DLGAP1: variants seen among roughly 807,000 people sequenced by gnomAD.
DLGAP1 encodes disks large-associated protein 1.
Under a neutral mutation model 90.8 loss-of-function variants are expected in DLGAP1, and 11 were observed. The ratio of observed to expected loss-of-function variants is 0.12; its 90% CI spans 0.08 to 0.20. DLGAP1 has a LOEUF of 0.20. Among genes scored for constraint, DLGAP1 ranks in the 10% least tolerant of loss-of-function variants. The pLI, the probability that DLGAP1 is intolerant of heterozygous loss-of-function variation, is 1.00. For missense variants in DLGAP1, 1,050 were observed against 1,333.8 expected, an observed-to-expected ratio of 0.79 and a Z score of 3.31; for synonymous variants, 558 against 540.7, an observed-to-expected ratio of 1.03 and a Z score of -0.44.
intron 2 of DLGAP1, among the ~76,000 whole-genome samples, chr18:4,149,457 G>A (rs141959707): frequency 2.2e-4 from 34 of 152,198 alleles, no homozygotes; most frequent in Non-Finnish European, 4.4e-4. Flanking sequence ...CAACAGATGC[G>A]GCTGGCTCCC....
intron 1 of DLGAP1, among the ~76,000 whole-genome samples, chr18:4,368,871 G>A (rs1366111174): frequency 6.6e-6 from 1 of 152,112 alleles, no homozygotes; most frequent in East Asian, 1.9e-4. Context: ...GATGCTGGAT[G>A]GATAGATGGA....
intron 6 of DLGAP1, among the ~76,000 whole-genome samples, chr18:3,736,172 G>C (rs937923668): frequency 6.6e-6 from 1 of 152,058 alleles, no homozygotes; most frequent in Admixed American, 6.6e-5. Context: ...CTAGGATTTG[G>C]ACTTGAAATA....
At chr18:3,781,351 AT>A (rs34073983) in intron 5 of DLGAP1, among the ~76,000 whole-genome samples, 23,514 of 140,080 alleles carry the variant, frequency 0.17, 2,001 homozygotes, top group African/African-American at 0.28. Flanking sequence ...GCAGCTTTCA[AT>A]TTTTTTTTTT....
chr18:3,657,666 G>C (rs999921892), intron 7 of DLGAP1, among the ~76,000 whole-genome samples: 1 of 148,926 alleles, frequency 6.7e-6, no homozygotes, highest in Non-Finnish European at 1.5e-5. Context: ...GCAGTGGCGC[G>C]ATCTCGGCTC....
At position 4,373,931 on chromosome 18, in the gene DLGAP1, T is replaced by C. The variant is rs7231594; in HGVS notation, c.-267+81075A>G. The stretch of plus-strand genomic sequence containing the variant: ...ATATATTGTTTTAAGTAGGCAACAA[T>C]TGGAGTCACCGAAAAAAAAGAAAAG... On this transcript the variant is annotated intron_variant, in intron 1 of 12. Coordinates refer to ENST00000315677, the MANE Select transcript of DLGAP1 (RefSeq NM_004746.4). Among the ~76,000 whole-genome samples, 997 of 152,160 alleles carry C rather than the reference T, an allele frequency of 6.6e-3. 11 individuals carry two copies. Among genetic ancestry groups the C allele is most frequent in the African/African-American group, 0.023 (951 of 41,494 alleles).
At chr18:3,845,907 G>A (rs779115086) in intron 4 of DLGAP1, among the ~76,000 whole-genome samples, 9 of 152,164 alleles carry the variant, frequency 5.9e-5, no homozygotes, top group Non-Finnish European at 1.0e-4. Flanking sequence ...GAAAAATTAA[G>A]TAATACTTCT....
At position 3,517,814 on chromosome 18, in the gene DLGAP1, T is replaced by G. The variant is rs2050935946; in HGVS notation, c.2480-9153A>C. Among the ~76,000 whole-genome samples the G allele has an allele frequency of 1.1e-5, 1 of 94,282 alleles. No homozygotes were observed. The highest frequency in any genetic ancestry group is 2.2e-5 in the Non-Finnish European group (1 of 44,718). 61.9% of individuals were successfully genotyped at this position (94,282 alleles called of 152,430 possible). The stretch of plus-strand genomic sequence containing the variant: ...CCTGGGCAACAAGAGAGAAACTCTG[T>G]CTCGGAAAAAAAAAAAAAAGAAGAG... On this transcript the variant is annotated intron_variant, in intron 10 of 12. Coordinates refer to ENST00000315677, the MANE Select transcript of DLGAP1 (RefSeq NM_004746.4). This position sits in a 1 kb window ranked among gnomAD's most constrained non-coding sequence, Gnocchi z 4.1.
In DLGAP1 at chr18:3,591,087, C is replaced by T. The variant is rs528152562; in HGVS notation, c.1592-8839G>A. On this transcript the variant is annotated intron_variant, in intron 7 of 12. Transcript: ENST00000315677. The stretch of plus-strand genomic sequence containing the variant: ...TAATCTGCAGCAGATTGAGGGCAAA[C>T]AAACAAACTGGTCCCTTACCAGAGA... Among the ~76,000 whole-genome samples, 131 of 152,082 alleles carry T rather than the reference C, an allele frequency of 8.6e-4. 1 individual carries two copies. Among genetic ancestry groups the T allele is most frequent in the African/African-American group, 2.9e-3 (122 of 41,476 alleles).
chr18:4,177,839 TACC>T (rs2077136782), intron 1 of DLGAP1, among the ~76,000 whole-genome samples: 1 of 152,190 alleles, frequency 6.6e-6, no homozygotes. Flanking sequence ...CATGAATATG[TACC>T]ACATTTTCTT....
At chr18:3,678,950 C>G (rs947418296) in intron 7 of DLGAP1, among the ~76,000 whole-genome samples, 2 of 152,270 alleles carry the variant, frequency 1.3e-5, no homozygotes, top group South Asian at 4.1e-4. Context: ...TGAAGAGGAA[C>G]AGCTATAACT....
chr18:3,638,381 AG>A (rs61423926), intron 7 of DLGAP1, among the ~76,000 whole-genome samples: 54,273 of 151,218 alleles, frequency 0.36, 10,487 homozygotes, highest in East Asian at 0.79. Context: ...CTGAGTGTCT[AG>A]GACTATGGAC....
chr18:3,767,848 C>G (rs559811505), intron 5 of DLGAP1, among the ~76,000 whole-genome samples: 1 of 152,188 alleles, frequency 6.6e-6, no homozygotes, highest in African/African-American at 2.4e-5. Flanking sequence ...TGTTTTCCCC[C>G]TAAGATCATG....
At chr18:3,855,692 C>T (rs1287262787) in intron 4 of DLGAP1, among the ~76,000 whole-genome samples, 3 of 152,158 alleles carry the variant, frequency 2.0e-5, no homozygotes, top group Non-Finnish European at 4.4e-5. Flanking sequence ...CGGCTCACTG[C>T]AACCTCCACC....
chr18:4,212,541 G>A (rs1466612928), intron 1 of DLGAP1, among the ~76,000 whole-genome samples: 1 of 149,806 alleles, frequency 6.7e-6, no homozygotes, highest in Non-Finnish European at 1.5e-5. Context: ...GTGTGGTGGT[G>A]CGTGCCTGTA....
Position 3,783,649 on chromosome 18 carries a change from T to C in DLGAP1, c.1172+30410A>G, listed in dbSNP as rs575408440. ...GAGGGAAATGGGGCATGACTACCAA[T>C]AGGCATGGGGATTTGTGGGTGCTGA... On this transcript the variant is annotated intron_variant, in intron 5 of 12. Coordinates refer to ENST00000315677, the MANE Select transcript of DLGAP1 (RefSeq NM_004746.4). 6.6e-5 allele frequency among the ~76,000 whole-genome samples: 10 copies of C among 152,212 alleles called. No homozygotes were observed. The South Asian group carries it at 2.1e-3, about 32-fold the overall frequency.
chr18:4,045,865 T>C (rs1024661853), intron 2 of DLGAP1, among the ~76,000 whole-genome samples: 1 of 150,998 alleles, frequency 6.6e-6, no homozygotes, highest in Non-Finnish European at 1.5e-5. Flanking sequence ...CGTAGCTCAC[T>C]ATAACCTCAA....
intron 6 of DLGAP1, among the ~76,000 whole-genome samples, chr18:3,739,293 T>A (rs1568043646): frequency 6.6e-6 from 1 of 150,872 alleles, no homozygotes; most frequent in Non-Finnish European, 1.5e-5. Context: ...CCCAAAGGAC[T>A]ATAAATCATG....
rs112632565 is a variant in DLGAP1, at chr18:3,766,692, C to T, written c.1173-24180G>A. 1.9e-3 allele frequency among the ~76,000 whole-genome samples: 285 copies of T among 151,932 alleles called. 1 individual carries two copies. Among genetic ancestry groups the T allele is most frequent in the African/African-American group, 5.5e-3 (227 of 41,436 alleles). The stretch of plus-strand genomic sequence containing the variant: ...AAGATAACAAGATCACCTTTAAACG[C>T]GGAAATTAAACAATGCAAAGCTTAA... On this transcript the variant is annotated intron_variant, in intron 5 of 12. Coordinates refer to ENST00000315677, the MANE Select transcript of DLGAP1 (RefSeq NM_004746.4).
At chr18:3,881,830 A>ACT (rs2071179213) in intron 3 of DLGAP1, among the ~76,000 whole-genome samples, 1 of 152,042 alleles carries the variant, frequency 6.6e-6, no homozygotes, top group Non-Finnish European at 1.5e-5. Flanking sequence ...GGAGAATGGC[A>ACT]TAAACCCGGG....
Sources: gnomAD v4.1 joint callset for allele counts (sites outside exome capture counted in the v4.1 genomes callset) on GRCh38, gnomAD v4.1.1 for gene constraint, Gnocchi (gnomAD v3.1) non-coding constraint, MANE v1.5 for transcripts, NCBI Gene and HGNC (gene_info 2026-07-23, HGNC 2026-07-21) for gene names.